The following SHISA9 variants were observed in gnomAD, a reference collection of about 807,000 sequenced individuals.
SHISA9 encodes shisa family member 9.
SHISA9 carries 13 observed loss-of-function variants against 38.0 expected under a neutral mutation model. The observed-to-expected ratio is 0.34, with a 90% confidence interval of 0.22 to 0.54. SHISA9 has a LOEUF of 0.54. Among genes scored for constraint, SHISA9 ranks in the 20% least tolerant of loss-of-function variants. The pLI is 0.91. For missense variants in SHISA9, 538 were observed against 575.8 expected (o/e 0.93, Z 0.67); for synonymous variants, 275 against 242.0 (o/e 1.14, Z -1.27).
At chr16:13,003,875 A>AATC (rs1489400978) in intron 2 of SHISA9, among the ~76,000 whole-genome samples, 1 of 131,560 alleles carries the variant, frequency 7.6e-6, no homozygotes, top group Non-Finnish European at 1.6e-5. Context: ...TAATAATAAT[A>AATC]ATAATAATAA....
the SHISA9 span, among the ~76,000 whole-genome samples, chr16:13,347,688 C>T: frequency 6.6e-6 from 1 of 152,262 alleles, no homozygotes; most frequent in South Asian, 2.1e-4. Context: ...GACATAAGAA[C>T]ACTGGGTTAT....
At chr16:13,152,123 A>T (rs2050504900) in intron 2 of SHISA9, among the ~76,000 whole-genome samples, 1 of 152,220 alleles carries the variant, frequency 6.6e-6, no homozygotes, top group South Asian at 2.1e-4. Flanking sequence ...CAGTGTAAAT[A>T]AATAAAAGGG....
At chr16:13,402,451 T>G in the SHISA9 span, among the ~76,000 whole-genome samples, 1 of 152,100 alleles carries the variant, frequency 6.6e-6, no homozygotes, top group African/African-American at 2.4e-5. Flanking sequence ...TTCCTCCGCT[T>G]TTTTGTTCTA....
intron 1 of SHISA9, among the ~76,000 whole-genome samples, chr16:12,916,298 T>C (rs992587251): frequency 6.6e-6 from 1 of 152,248 alleles, no homozygotes; most frequent in Admixed American, 6.5e-5. Flanking sequence ...ACTCAATAAA[T>C]GTTATCTACT....
At chr16:13,110,298 G>A (rs1006153176) in intron 2 of SHISA9, among the ~76,000 whole-genome samples, 14 of 152,172 alleles carry the variant, frequency 9.2e-5, no homozygotes, top group Non-Finnish European at 1.9e-4. Flanking sequence ...CCCAAGGAAG[G>A]GGGAACACAA....
chr16:13,407,070 CAAAAAAAAAA>C, the SHISA9 span, among the ~76,000 whole-genome samples: 10 of 45,620 alleles, frequency 2.2e-4, no homozygotes, highest in South Asian at 2.6e-3. Flanking sequence ...CTCTGTCTCA[CAAAAAAAAAA>C]AAAAAAAAAA....
intron 2 of SHISA9, among the ~76,000 whole-genome samples, chr16:13,121,810 A>G (rs929423526): frequency 6.8e-6 from 1 of 146,434 alleles, no homozygotes; most frequent in Non-Finnish European, 1.5e-5. Flanking sequence ...ATAGGTCACA[A>G]CATTAAACAC....
At chr16:13,063,539 G>C (rs570631705) in intron 2 of SHISA9, among the ~76,000 whole-genome samples, 1 of 152,088 alleles carries the variant, frequency 6.6e-6, no homozygotes, top group Non-Finnish European at 1.5e-5. Context: ...CTTGTGGGGC[G>C]TCAATGAAAT....
At chr16:13,346,866 G>C in the SHISA9 span, among the ~76,000 whole-genome samples, 2 of 152,080 alleles carry the variant, frequency 1.3e-5, no homozygotes, top group African/African-American at 4.8e-5. Context: ...AAAAAATATG[G>C]TGGTGCTTGC....
the SHISA9 span, among the ~76,000 whole-genome samples, chr16:13,462,934 C>G: frequency 6.6e-6 from 1 of 151,844 alleles, no homozygotes; most frequent in African/African-American, 2.4e-5. Flanking sequence ...TGCACTCCAG[C>G]CTGAGCGACA....
the SHISA9 span, among the ~76,000 whole-genome samples, chr16:13,455,156 C>A: frequency 2.0e-5 from 3 of 152,124 alleles, no homozygotes; most frequent in South Asian, 6.2e-4. Flanking sequence ...ATTTTATATA[C>A]ATACCTTAGT....
the SHISA9 span, among the ~76,000 whole-genome samples, chr16:13,296,308 A>T: frequency 6.6e-6 from 1 of 151,700 alleles, no homozygotes; most frequent in Non-Finnish European, 1.5e-5. Flanking sequence ...ATAAGTGGTT[A>T]CATCCTCAAG....
At chr16:13,207,794 A>T (rs923601361) in intron 3 of SHISA9, among the ~76,000 whole-genome samples, 1 of 152,256 alleles carries the variant, frequency 6.6e-6, no homozygotes, top group African/African-American at 2.4e-5. Context: ...TTGTTAAAGC[A>T]TAATGTGATC....
chr16:12,983,114 G>T (rs2072262145), intron 2 of SHISA9, among the ~76,000 whole-genome samples: 1 of 152,176 alleles, frequency 6.6e-6, no homozygotes, highest in Non-Finnish European at 1.5e-5. Context: ...TCAGGTTTGG[G>T]GTGACCATTT....
intron 2 of SHISA9, among the ~76,000 whole-genome samples, chr16:13,113,632 A>G (rs2074001484): frequency 6.6e-6 from 1 of 152,222 alleles, no homozygotes; most frequent in African/African-American, 2.4e-5. Context: ...GAATTTGGGC[A>G]GGGAGGTCAG....
intron 1 of SHISA9, chr16:12,910,994 A>T (rs1596524253): frequency 6.2e-6 from 1 of 161,740 alleles, no homozygotes; most frequent in East Asian, 1.9e-4. Flanking sequence ...TACTGATTTC[A>T]ATGTTAATCT....
At chr16:13,538,248 G>A in the SHISA9 span, among the ~76,000 whole-genome samples, 1 of 152,158 alleles carries the variant, frequency 6.6e-6, no homozygotes, top group African/African-American at 2.4e-5. Flanking sequence ...GCTCAGGTCA[G>A]GAAACAGGTT....
the SHISA9 span, among the ~76,000 whole-genome samples, chr16:13,520,357 T>TG: frequency 6.6e-6 from 1 of 151,986 alleles, no homozygotes; most frequent in Non-Finnish European, 1.5e-5. Flanking sequence ...CCCAGCACTT[T>TG]GGGAGGCCAA....
At chr16:13,138,978 A>G (rs1419805020) in intron 2 of SHISA9, among the ~76,000 whole-genome samples, 1 of 152,034 alleles carries the variant, frequency 6.6e-6, no homozygotes, top group African/African-American at 2.4e-5. Context: ...TGCGGGATGG[A>G]GGGGAGGAAG....
Sources: allele counts gnomAD v4.1 joint callset (sites outside exome capture counted in the v4.1 genomes callset), GRCh38; gene constraint gnomAD v4.1.1; transcripts MANE v1.5; gene names NCBI Gene and HGNC (gene_info 2026-07-23, HGNC 2026-07-21).